Variants in ADAMTS2 observed in about 807,000 individuals in gnomAD.
ADAMTS2 encodes the protein ADAM metallopeptidase with thrombospondin type 1 motif 2, also known as A disintegrin and metalloproteinase with thrombospondin motifs 2.
A neutral mutation model predicts 123.0 loss-of-function variants in ADAMTS2; 50 were observed. The ratio of observed to expected loss-of-function variants is 0.41; its 90% CI spans 0.32 to 0.51. The LOEUF is 0.51. Among genes scored for constraint, ADAMTS2 ranks in the 20% least tolerant of loss-of-function variants. ADAMTS2 has a pLI of 0.35. For synonymous variants in ADAMTS2, 678 were observed against 695.4 expected (o/e 0.98, Z 0.39); for missense variants, 1,494 against 1,705.2 (o/e 0.88, Z 2.18).
chr5:179,169,281 G>A (rs1763769596), intron 5 of ADAMTS2, among the ~76,000 whole-genome samples: 1 of 152,200 alleles, frequency 6.6e-6, no homozygotes, highest in Non-Finnish European at 1.5e-5. Flanking sequence ...CCTCTAGGAG[G>A]AATGGGTCCT....
At position 179,185,404 on chromosome 5, in the gene ADAMTS2, C is replaced by T. The variant is rs183610695; in HGVS notation, c.892-4249G>A. 3.1e-3 allele frequency among the ~76,000 whole-genome samples: 470 copies of T among 152,180 alleles called. 1 individual carries two copies. Among genetic ancestry groups the T allele is most frequent in the Non-Finnish European group, 4.9e-3 (333 of 67,982 alleles). On this transcript the variant is annotated intron_variant, in intron 4 of 21. Coordinates refer to ENST00000251582, the MANE Select transcript of ADAMTS2 (RefSeq NM_014244.5). This position sits in a 1 kb window ranked among gnomAD's most constrained non-coding sequence, Gnocchi z 5.9. ...AGGCTGGGGCTCTGGAAGGGCATTC[C>T]GGCAGCTCCCACAGGGCGGAGGGAG...
At chr5:179,276,781 A>G (rs527686281) in intron 2 of ADAMTS2, among the ~76,000 whole-genome samples, 3 of 152,164 alleles carry the variant, frequency 2.0e-5, no homozygotes, top group Non-Finnish European at 4.4e-5. Flanking sequence ...ACACTGGGGC[A>G]TGAGGACCCC....
chr5:179,252,461 T>C (rs79667494), intron 3 of ADAMTS2, among the ~76,000 whole-genome samples: 6,910 of 152,290 alleles, frequency 0.045, 216 homozygotes, highest in Non-Finnish European at 0.073. Flanking sequence ...ATCCACGTTT[T>C]GATATTTAGT....
rs1390429804 is a variant in ADAMTS2, at chr5:179,175,550, T to C, written c.975+5522A>G. ...TCTACATTTTTGGTTACTACCATAA[T>C]GGAAATTTTCTCTCCCTGTTTTCCC... On this transcript the variant is annotated intron_variant, in intron 5 of 21. Coordinates refer to ENST00000251582, the MANE Select transcript of ADAMTS2 (RefSeq NM_014244.5). The surrounding 1 kb of genome is among the most constrained non-coding windows in gnomAD (Gnocchi z 4.1). 1.3e-5 allele frequency among the ~76,000 whole-genome samples: 2 copies of C among 152,218 alleles called. No individual in the cohort carries two copies. The highest frequency in any genetic ancestry group is 2.9e-5 in the Non-Finnish European group (2 of 68,036).
At chr5:179,326,201 C>CGT (rs60626964) in intron 2 of ADAMTS2, among the ~76,000 whole-genome samples, 7,411 of 148,644 alleles carry the variant, frequency 0.05, 324 homozygotes, top group African/African-American at 0.12. Flanking sequence ...TTTGTGTGTG[C>CGT]GTGTGTGTGT....
intron 2 of ADAMTS2, among the ~76,000 whole-genome samples, chr5:179,337,632 C>A (rs903607045): frequency 1.3e-5 from 2 of 152,216 alleles, no homozygotes; most frequent in Non-Finnish European, 1.5e-5. Flanking sequence ...TGTCTGCCTG[C>A]CAGCACAGAC....
chr5:179,276,491 C>A (rs556047861), intron 2 of ADAMTS2, among the ~76,000 whole-genome samples: 1 of 152,210 alleles, frequency 6.6e-6, no homozygotes, highest in Non-Finnish European at 1.5e-5. Flanking sequence ...GCTCCCCAAG[C>A]GTCCAGTGAC....
At chr5:179,184,893 G>A (rs1764134729) in intron 4 of ADAMTS2, among the ~76,000 whole-genome samples, 2 of 152,192 alleles carry the variant, frequency 1.3e-5, no homozygotes, top group African/African-American at 4.8e-5. Flanking sequence ...CACCGGCCTC[G>A]AGGGAAAGGC....
intron 2 of ADAMTS2, among the ~76,000 whole-genome samples, chr5:179,325,273 T>TTTA (rs1177936440): frequency 6.6e-6 from 1 of 152,084 alleles, no homozygotes; most frequent in Non-Finnish European, 1.5e-5. Flanking sequence ...GGGCCTGTGC[T>TTTA]TTACCCTCAA....
At chr5:179,140,067 C>A in intron 10 of ADAMTS2, 32 bp from the exon 11 acceptor site, 2 of 1,613,412 alleles carry the variant, frequency 1.2e-6, no homozygotes, top group South Asian at 1.1e-5. Context: ...CCTCCACTCA[C>A]CCTCACACCG....
At position 179,309,205 on chromosome 5, in the gene ADAMTS2, A is replaced by T. The variant is rs76274296; in HGVS notation, c.534+34562T>A. On this transcript the variant is annotated intron_variant, in intron 2 of 21. Transcript: ENST00000251582. ...CCAGCATGCCTCCCAAGGGTTGTGC[A>T]GGGAGACTTCAGCCAGGCACCCACT... Among the ~76,000 whole-genome samples the T allele has an allele frequency of 9.7e-3, 1,471 of 152,334 alleles. 18 individuals carry two copies. Among genetic ancestry groups the T allele is most frequent in the African/African-American group, 0.034 (1,412 of 41,582 alleles).
intron 3 of ADAMTS2, among the ~76,000 whole-genome samples, chr5:179,216,956 T>C (rs1010188693): frequency 2.0e-5 from 3 of 152,208 alleles, no homozygotes; most frequent in African/African-American, 7.2e-5. Flanking sequence ...ATACAGGATG[T>C]CTATCGGATA....
Position 179,128,025 on chromosome 5 carries a change from C to T in ADAMTS2, c.2551G>A (p.Glu851Lys). Reference protein sequence around the residue: ...LNVDDNNVLEEDSVVYEWALK... With the variant: ...LNVDDNNVLEKDSVVYEWALK... ...GCCCACTCGTAGACCACAGAGTCCT[C>T]TTCCAGGACGTTGTTGTCGTCGACA... is the stretch of plus-strand genomic sequence containing the variant. The change falls in exon 17 of 22, where the codon GAG (glutamate) becomes AAG (lysine). Residue 851 changes from glutamate to lysine, a missense_variant. Coordinates refer to ENST00000251582, the MANE Select transcript of ADAMTS2 (RefSeq NM_014244.5). The surrounding 1 kb of genome is among the most constrained non-coding windows in gnomAD (Gnocchi z 4.9). The T allele has an allele frequency of 1.2e-6, 2 of 1,614,128 alleles. No individual in the cohort carries two copies. Among genetic ancestry groups the T allele is most frequent in the Non-Finnish European group, 1.7e-6 (2 of 1,180,042 alleles).
intron 10 of ADAMTS2, among the ~76,000 whole-genome samples, chr5:179,144,930 G>A (rs1345227661): frequency 1.3e-5 from 2 of 152,122 alleles, no homozygotes; most frequent in African/African-American, 2.4e-5. Context: ...ATGCCATCAC[G>A]AAAGTGAAAA....
At chr5:179,250,864 C>T (rs181347825) in intron 3 of ADAMTS2, among the ~76,000 whole-genome samples, 226 of 152,344 alleles carry the variant, frequency 1.5e-3, no homozygotes, top group African/African-American at 5.1e-3. Flanking sequence ...CTGACAGTGG[C>T]ACTGTCCACC....
In ADAMTS2 at chr5:179,170,649, A is replaced by G. The variant is rs545734827; in HGVS notation, c.975+10423T>C. Among the ~76,000 whole-genome samples, 15 of 152,118 alleles carry G rather than the reference A, an allele frequency of 9.9e-5. No homozygotes were observed. The highest frequency in any genetic ancestry group is 3.4e-4 in the African/African-American group (14 of 41,494). On this transcript the variant is annotated intron_variant, in intron 5 of 21. Transcript: ENST00000251582. The surrounding 1 kb of genome is among the most constrained non-coding windows in gnomAD (Gnocchi z 4.3). ...CAGGAGCTAGGCCTTTTGCCCCCAG[A>G]TCTTGGCTGGGAAGTCCCCATCCTG...
chr5:179,322,290 A>G (rs1055800309), intron 2 of ADAMTS2, among the ~76,000 whole-genome samples: 2 of 152,146 alleles, frequency 1.3e-5, no homozygotes, highest in Non-Finnish European at 2.9e-5. Flanking sequence ...TGGGGAGAGG[A>G]GCAGAGGATG....
chr5:179,249,622 T>C (rs1393605621), intron 3 of ADAMTS2, among the ~76,000 whole-genome samples: 1 of 152,162 alleles, frequency 6.6e-6, no homozygotes, highest in Admixed American at 6.5e-5. Context: ...TTATGTACAA[T>C]TGTATACGAA....
At chr5:179,222,958 G>A (rs1765159420) in intron 3 of ADAMTS2, among the ~76,000 whole-genome samples, 1 of 152,202 alleles carries the variant, frequency 6.6e-6, no homozygotes, top group South Asian at 2.1e-4. Context: ...CCCTCCCCCT[G>A]CTTCCAGGTC....
Sources: gnomAD v4.1 joint callset for allele counts (sites outside exome capture counted in the v4.1 genomes callset) on GRCh38, gnomAD v4.1.1 for gene constraint, Gnocchi (gnomAD v3.1) non-coding constraint, MANE v1.5 for transcripts, NCBI Gene and HGNC (gene_info 2026-07-23, HGNC 2026-07-21) for gene names.